The following DPP6 variants were observed in gnomAD, a reference collection of about 807,000 sequenced individuals.
The protein encoded by DPP6 is A-type potassium channel modulatory protein DPP6.
DPP6 carries 69 observed loss-of-function variants against 122.6 expected under a neutral mutation model. The observed-to-expected ratio is 0.56, with a 90% CI of 0.46 to 0.69. The LOEUF (loss-of-function observed/expected upper bound fraction) is 0.69. DPP6 is among the 30% of genes least tolerant of loss of function. DPP6 has a pLI of 0.00. For synonymous variants in DPP6, 418 were observed against 433.1 expected, an observed-to-expected ratio of 0.97 and a Z score of 0.43; for missense variants, 928 against 1,116.9, an observed-to-expected ratio of 0.83 and a Z score of 2.41.
intron 1 of DPP6, among the ~76,000 whole-genome samples, chr7:154,173,652 C>T (rs1797649537): frequency 6.6e-6 from 1 of 152,184 alleles, no homozygotes; most frequent in African/African-American, 2.4e-5. Flanking sequence ...AGCTGTGCAA[C>T]TCTGTGCATC....
At chr7:154,213,496 A>C (rs180789543) in intron 1 of DPP6, among the ~76,000 whole-genome samples, 1 of 152,140 alleles carries the variant, frequency 6.6e-6, no homozygotes, top group Non-Finnish European at 1.5e-5. Context: ...AGAGTTCCCA[A>C]TGTAATGTGG....
intron 1 of DPP6, among the ~76,000 whole-genome samples, chr7:153,984,927 A>G (rs1484705252): frequency 6.6e-6 from 1 of 152,170 alleles, no homozygotes; most frequent in African/African-American, 2.4e-5. Flanking sequence ...TCTTTGCACT[A>G]TGCATATTCA....
intron 3 of DPP6, among the ~76,000 whole-genome samples, chr7:154,497,545 G>T (rs1824854306): frequency 6.6e-6 from 1 of 151,608 alleles, no homozygotes; most frequent in Non-Finnish European, 1.5e-5. Context: ...GGAGGTAGAG[G>T]TTGCAGTAAG....
chr7:154,145,299 G>C (rs1796034270), intron 1 of DPP6, among the ~76,000 whole-genome samples: 1 of 152,140 alleles, frequency 6.6e-6, no homozygotes, highest in Non-Finnish European at 1.5e-5. Flanking sequence ...AACTGCCTGG[G>C]GGCCACATGT....
intron 5 of DPP6, among the ~76,000 whole-genome samples, chr7:154,584,995 G>A (rs1832343825): frequency 6.6e-6 from 1 of 152,030 alleles, no homozygotes; most frequent in African/African-American, 2.4e-5. Flanking sequence ...ATAGACTTTT[G>A]TAACCATCAC....
At chr7:154,123,703 G>A (rs1359738932) in intron 1 of DPP6, among the ~76,000 whole-genome samples, 2 of 149,014 alleles carry the variant, frequency 1.3e-5, no homozygotes, top group Non-Finnish European at 3.0e-5. Flanking sequence ...CAAATGTGCC[G>A]CTCGCTCACG....
At chr7:153,770,762 G>A in the DPP6 span, among the ~76,000 whole-genome samples, 3 of 152,086 alleles carry the variant, frequency 2.0e-5, no homozygotes, top group Non-Finnish European at 4.4e-5. Context: ...AAGACCAAAT[G>A]GGCTATTGCA....
Position 153,913,224 on chromosome 7 carries a change from A to C in DPP6, c.51+25490A>C, listed in dbSNP as rs1800163357. Among the ~76,000 whole-genome samples, 10 of 152,098 alleles carry C rather than the reference A, an allele frequency of 6.6e-5. No individual in the cohort carries two copies. The South Asian group carries it at 2.1e-3, about 32-fold the overall frequency. The stretch of plus-strand genomic sequence containing the variant: ...TAAGTAGCCGGGATTACAGGCAAGC[A>C]CCACCATGCTCAGCTAATTTTTGTA... On this transcript the variant is annotated intron_variant, in intron 1 of 25. Coordinates refer to the DPP6 transcript ENST00000404039.
intron 7 of DPP6, among the ~76,000 whole-genome samples, chr7:154,697,202 C>T (rs778974276): frequency 1.3e-5 from 2 of 152,154 alleles, no homozygotes; most frequent in South Asian, 2.1e-4. Context: ...CAAGGTGTCC[C>T]GTCATGTTCC....
At chr7:154,434,298 C>G (rs1818682910) in intron 1 of DPP6, among the ~76,000 whole-genome samples, 1 of 152,162 alleles carries the variant, frequency 6.6e-6, no homozygotes, top group South Asian at 2.1e-4. Flanking sequence ...AAACAAAAAG[C>G]CACCCTAAGC....
At chr7:154,405,458 C>T (rs1029457788) in intron 1 of DPP6, among the ~76,000 whole-genome samples, 8 of 152,076 alleles carry the variant, frequency 5.3e-5, no homozygotes, top group Admixed American at 5.2e-4. Context: ...TTACATATTC[C>T]TTTAGGAGCT....
At chr7:153,749,028 G>A in the DPP6 span, among the ~76,000 whole-genome samples, 10 of 152,146 alleles carry the variant, frequency 6.6e-5, no homozygotes, top group Non-Finnish European at 8.8e-5. This position sits in a 1 kb window ranked among gnomAD's most constrained non-coding sequence, Gnocchi z 4.1. Flanking sequence ...CAGCGACGGA[G>A]GGGGCTTGTG....
chr7:153,831,309 C>T, the DPP6 span, among the ~76,000 whole-genome samples: 3 of 152,222 alleles, frequency 2.0e-5, no homozygotes, highest in Non-Finnish European at 1.5e-5. Context: ...GGCAGCTCCA[C>T]GTTTTCTATG....
At chr7:154,029,573 A>G (rs1469450859) in intron 1 of DPP6, among the ~76,000 whole-genome samples, 2 of 150,606 alleles carry the variant, frequency 1.3e-5, no homozygotes, top group East Asian at 2.0e-4. Context: ...TATGCTGGGC[A>G]TGGTGGCTCA....
chr7:154,476,513 G>A (rs1822751308), intron 3 of DPP6, among the ~76,000 whole-genome samples: 1 of 152,226 alleles, frequency 6.6e-6, no homozygotes, highest in South Asian at 2.1e-4. Flanking sequence ...TCAAAGTTGT[G>A]TTGGAGACGT....
intron 5 of DPP6, among the ~76,000 whole-genome samples, chr7:154,594,081 T>G (rs1832952439): frequency 6.6e-6 from 1 of 152,056 alleles, no homozygotes; most frequent in Admixed American, 6.6e-5. Flanking sequence ...TCCAAGGCAA[T>G]TGATTTTGGT....
intron 7 of DPP6, among the ~76,000 whole-genome samples, chr7:154,710,924 C>T (rs551710340): frequency 7.2e-5 from 11 of 152,254 alleles, no homozygotes; most frequent in South Asian, 4.1e-4. Context: ...GTGCTTCGCC[C>T]TATAAATTAT....
rs1354621329 is a variant in DPP6, at chr7:154,483,855, T to C, written c.457+8818T>C. Among the ~76,000 whole-genome samples the C allele has an allele frequency of 6.6e-6, 1 of 152,088 alleles. No individual in the cohort carries two copies. Among genetic ancestry groups the C allele is most frequent in the Non-Finnish European group, 1.5e-5 (1 of 68,018 alleles). On this transcript the variant is annotated intron_variant, in intron 3 of 25. Transcript: ENST00000377770. The surrounding 1 kb of genome is among the most constrained non-coding windows in gnomAD (Gnocchi z 8.1). ...GATTACAGGTGCACACCATCACGCC[T>C]AGCTAATTTTTGTATTTTTAGCAGA...
the DPP6 span, among the ~76,000 whole-genome samples, chr7:153,785,575 C>T: frequency 6.6e-6 from 1 of 152,078 alleles, no homozygotes; most frequent in African/African-American, 2.4e-5. Flanking sequence ...AATATTTCCT[C>T]TTTAATTTTA....
Sources: gnomAD v4.1 joint callset for allele counts (sites outside exome capture counted in the v4.1 genomes callset) on GRCh38, gnomAD v4.1.1 for gene constraint, Gnocchi (gnomAD v3.1) non-coding constraint, MANE v1.5 for transcripts, NCBI Gene and HGNC (gene_info 2026-07-23, HGNC 2026-07-21) for gene names.